NTN1: variants seen among roughly 807,000 people sequenced by gnomAD.
NTN1 encodes the protein netrin 1.
Under a neutral mutation model 54.2 loss-of-function variants are expected in NTN1, and 11 were observed. The observed-to-expected ratio is 0.20, with a 90% CI of 0.13 to 0.34. The LOEUF is 0.34. Ranked by LOEUF, NTN1 falls within the 10% of genes least tolerant of loss-of-function variation. NTN1 has a pLI of 1.00. For synonymous variants in NTN1, 371 were observed against 382.0 expected, an observed-to-expected ratio of 0.97 and a Z score of 0.33; for missense variants, 740 against 893.1, an observed-to-expected ratio of 0.83 and a Z score of 2.18.
In NTN1 at chr17:9,122,236, G is replaced by A. The variant is rs192267532; in HGVS notation, c.1019-40577G>A. On this transcript the variant is annotated intron_variant, in intron 2 of 6. Coordinates refer to ENST00000173229, the MANE Select transcript of NTN1 (RefSeq NM_004822.3). The stretch of plus-strand genomic sequence containing the variant: ...GTATGTTTAAAGACGGGGTTTCACC[G>A]TGTTAGCCAGGATGGTCTCGATCTC... Among the ~76,000 whole-genome samples the A allele has an allele frequency of 1.3e-4, 20 of 152,098 alleles. 1 individual carries two copies. The East Asian group carries it at 3.3e-3, about 25-fold the overall frequency.
At chr17:9,112,456 C>T (rs1237437334) in intron 2 of NTN1, among the ~76,000 whole-genome samples, 1 of 152,190 alleles carries the variant, frequency 6.6e-6, no homozygotes, top group Admixed American at 6.6e-5. Flanking sequence ...TTTCAGCTCT[C>T]ATACTGTAAA....
Position 9,131,146 on chromosome 17 carries a change from C to A in NTN1, c.1019-31667C>A, listed in dbSNP as rs1249481509. 4.6e-5 allele frequency among the ~76,000 whole-genome samples: 7 copies of A among 152,316 alleles called. No homozygotes were observed. The East Asian group carries it at 7.7e-4, about 17-fold the overall frequency. ...TACTCCTCCCTGTGTCTACATGGCT[C>A]ACATCTTAACTTCTTTAAGTTCTTT... On this transcript the variant is annotated intron_variant, in intron 2 of 6. Transcript: ENST00000173229.
At chr17:9,173,119 T>C (rs1423525187) in intron 3 of NTN1, 3 of 152,230 alleles carry the variant, frequency 2.0e-5, no homozygotes, top group Non-Finnish European at 2.9e-5. Context: ...CCAGTCTCCC[T>C]GGGTCAGCAC....
At chr17:9,031,422 C>T (rs763538634) in intron 2 of NTN1, among the ~76,000 whole-genome samples, 14 of 152,286 alleles carry the variant, frequency 9.2e-5, no homozygotes, top group Non-Finnish European at 1.8e-4. Context: ...TGGCAATCAA[C>T]GGCAGCATGC....
chr17:9,190,737 A>G (rs552284473), intron 5 of NTN1, among the ~76,000 whole-genome samples: 1 of 152,356 alleles, frequency 6.6e-6, no homozygotes, highest in East Asian at 1.9e-4. Flanking sequence ...CTGTAGTCCC[A>G]GCTACTTGGG....
At chr17:9,061,458 T>G (rs2091998076) in intron 2 of NTN1, among the ~76,000 whole-genome samples, 2 of 152,050 alleles carry the variant, frequency 1.3e-5, no homozygotes, top group Admixed American at 1.3e-4. Context: ...GGCAAGGTGG[T>G]GGCCAGGCTA....
At chr17:9,145,146 C>T (rs2092309847) in intron 2 of NTN1, among the ~76,000 whole-genome samples, 1 of 152,160 alleles carries the variant, frequency 6.6e-6, no homozygotes, top group South Asian at 2.1e-4. Context: ...GCTTTGGGGA[C>T]AATTAAATCC....
At position 9,232,981 on chromosome 17, in the gene NTN1, C is replaced by T. The variant is rs149930673; in HGVS notation, c.1487-6659C>T. The stretch of plus-strand genomic sequence containing the variant: ...ATGGTTTCTGTGGGGTTCCTATTCT[C>T]CCCCTCATTTGTCCTGGCCGCTGTC... On this transcript the variant is annotated intron_variant, in intron 6 of 6. Coordinates refer to ENST00000173229, the MANE Select transcript of NTN1 (RefSeq NM_004822.3). 1.4e-4 allele frequency among the ~76,000 whole-genome samples: 21 copies of T among 152,158 alleles called. No homozygotes were observed. In the East Asian group the frequency reaches 2.5e-3, roughly 18 times the overall value.
chr17:9,097,768 G>A (rs1036536700), intron 2 of NTN1, among the ~76,000 whole-genome samples: 14 of 152,134 alleles, frequency 9.2e-5, no homozygotes, highest in Admixed American at 2.6e-4. Context: ...TTAATATATC[G>A]TGGCAATCTT....
chr17:9,022,393 A>AGGCGCTGGC lies in NTN1; in HGVS notation c.34_42dup (p.Leu12_Ala14dup), dbSNP rs1044752307. Reference sequence around the variant, plus strand: ...CGCAGCATGATGCGCGCAGTGTGGGAGGCGCTGGCGGCGCTGGCGGCGGTG... The same window carrying AGGCGCTGGC: ...CGCAGCATGATGCGCGCAGTGTGGGAGGCGCTGGCGGCGCTGGCGGCGCTGGCGGCGGTG... On this transcript the variant is annotated inframe_insertion, in exon 2 of 7. Coordinates refer to ENST00000173229, the MANE Select transcript of NTN1 (RefSeq NM_004822.3). 38 of 1,332,408 alleles carry AGGCGCTGGC rather than the reference A, an allele frequency of 2.9e-5. No individual in the cohort carries two copies. The highest frequency in any genetic ancestry group is 4.6e-5 in the African/African-American group (3 of 64,528). 82.5% of individuals were successfully genotyped at this position (1,332,408 alleles called of 1,614,324 possible).
At chr17:9,033,059 T>C (rs2091892746) in intron 2 of NTN1, among the ~76,000 whole-genome samples, 1 of 151,624 alleles carries the variant, frequency 6.6e-6, no homozygotes, top group Non-Finnish European at 1.5e-5. Context: ...GTTCAAGTGA[T>C]TCTTCTGTCT....
At chr17:9,175,687 C>T (rs2092398178) in intron 3 of NTN1, 1 of 152,274 alleles carries the variant, frequency 6.6e-6, no homozygotes, top group Non-Finnish European at 1.5e-5. Context: ...TCTTACCTGT[C>T]TGAAAGCGCG....
At chr17:9,014,719 A>C in the NTN1 span, among the ~76,000 whole-genome samples, 4 of 152,294 alleles carry the variant, frequency 2.6e-5, no homozygotes, top group African/African-American at 9.6e-5. Flanking sequence ...GAGTACTGGG[A>C]ACTGAGTCAT....
chr17:9,007,995 G>T, the NTN1 span, among the ~76,000 whole-genome samples: 12 of 151,836 alleles, frequency 7.9e-5, no homozygotes, highest in African/African-American at 2.9e-4. Context: ...CTCCCACCTC[G>T]GCTCCCCAAA....
intron 6 of NTN1, among the ~76,000 whole-genome samples, chr17:9,229,244 A>G (rs1437228451): frequency 6.6e-6 from 1 of 152,028 alleles, no homozygotes; most frequent in African/African-American, 2.4e-5. Context: ...TCTGATTTGC[A>G]TCACCATACC....
chr17:9,050,668 C>CA (rs11302328), intron 2 of NTN1, among the ~76,000 whole-genome samples: 4,080 of 54,934 alleles, frequency 0.074, 51 homozygotes, highest in African/African-American at 0.099. Context: ...GACTCCATCT[C>CA]AAAAAAAAAA....
chr17:9,103,391 G>A (rs1237830346), intron 2 of NTN1, among the ~76,000 whole-genome samples: 1 of 152,158 alleles, frequency 6.6e-6, no homozygotes, highest in Non-Finnish European at 1.5e-5. Context: ...TGTGGTGGGA[G>A]GGACCCAGTG....
chr17:9,082,521 A>G (rs1458304341), intron 2 of NTN1, among the ~76,000 whole-genome samples: 1 of 152,150 alleles, frequency 6.6e-6, no homozygotes, highest in Non-Finnish European at 1.5e-5. Context: ...ACTGTTTTAA[A>G]TGGGCTGAGA....
chr17:9,122,896 T>A (rs560518538), intron 2 of NTN1, among the ~76,000 whole-genome samples: 16 of 152,344 alleles, frequency 1.1e-4, no homozygotes, highest in Admixed American at 8.5e-4. Context: ...TGCATAGTAT[T>A]TGTATTGCAT....
Sources: gnomAD v4.1 joint callset for allele counts (sites outside exome capture counted in the v4.1 genomes callset) on GRCh38, gnomAD v4.1.1 for gene constraint, MANE v1.5 for transcripts, NCBI Gene and HGNC (gene_info 2026-07-23, HGNC 2026-07-21) for gene names.